The following TPD52 variants were observed in gnomAD, a reference collection of about 807,000 sequenced individuals.
TPD52 encodes tumor protein D52.
A neutral mutation model predicts 31.3 loss-of-function variants in TPD52; 17 were observed. The observed-to-expected ratio is 0.54, with a 90% confidence interval of 0.37 to 0.82. The LOEUF (loss-of-function observed/expected upper bound fraction) is 0.82. Ranked by LOEUF, TPD52 falls within the 40% of genes least tolerant of loss-of-function variation. The pLI, the probability that TPD52 is intolerant of heterozygous loss-of-function variation, is 0.00. For synonymous variants in TPD52, 83 were observed against 89.6 expected, an observed-to-expected ratio of 0.93 and a Z score of 0.42; for missense variants, 212 against 240.1, an observed-to-expected ratio of 0.88 and a Z score of 0.77.
At chr8:80,080,464 C>A in intron 1 of TPD52, 5 of 1,613,654 alleles carry the variant, frequency 3.1e-6, no homozygotes, top group Non-Finnish European at 3.4e-6. Context: ...TCCAGACAAA[C>A]GCAGAATGCA....
intron 1 of TPD52, among the ~76,000 whole-genome samples, chr8:80,144,434 C>T (rs1474303815): frequency 6.6e-6 from 1 of 152,208 alleles, no homozygotes; most frequent in Non-Finnish European, 1.5e-5. Context: ...GCACTTCCAG[C>T]TGAGGTTAAA....
chr8:80,098,148 C>T (rs1252479788), intron 1 of TPD52, among the ~76,000 whole-genome samples: 1 of 152,204 alleles, frequency 6.6e-6, no homozygotes, highest in Non-Finnish European at 1.5e-5. Context: ...ATTTACAATG[C>T]ACCTAGTCAT....
At chr8:80,163,335 G>A (rs376202454) in intron 1 of TPD52, among the ~76,000 whole-genome samples, 2 of 152,154 alleles carry the variant, frequency 1.3e-5, no homozygotes, top group Admixed American at 1.3e-4. Flanking sequence ...CATGAGCCCC[G>A]ATATCATGCT....
At chr8:80,063,972 A>G (rs1198182676) in intron 2 of TPD52, among the ~76,000 whole-genome samples, 2 of 117,396 alleles carry the variant, frequency 1.7e-5, no homozygotes, top group African/African-American at 6.5e-5. Context: ...GAAGGGGAAG[A>G]AGGAGGGGAG....
chr8:80,116,844 T>C (rs1807900398), intron 1 of TPD52, among the ~76,000 whole-genome samples: 2 of 151,976 alleles, frequency 1.3e-5, no homozygotes, highest in South Asian at 4.1e-4. Flanking sequence ...AAGTTTGTTT[T>C]AACATCCAAA....
At position 80,080,199 on chromosome 8, in the gene TPD52, A is replaced by C. The variant is rs182914978; in HGVS notation, c.20-15606T>G. Reference sequence around the variant, plus strand: ...ATCTAGAATAGCTTATTAGCTAGTTACAACCCAACACCACCCTGGTACATC... The same window carrying C: ...ATCTAGAATAGCTTATTAGCTAGTTCCAACCCAACACCACCCTGGTACATC... On this transcript the variant is annotated intron_variant, in intron 1 of 7. Coordinates refer to ENST00000518937, the MANE Select transcript of TPD52 (RefSeq NM_001025253.3). The C allele has an allele frequency of 1.3e-3, 1,088 of 846,738 alleles. 1 individual carries two copies. Among genetic ancestry groups the C allele is most frequent in the Non-Finnish European group, 1.5e-3 (803 of 539,520 alleles). The allele number at this position is 846,738 out of a possible 1,614,324, so 52.5% of individuals were successfully genotyped here. A position where few individuals can be genotyped will look rare whatever the true frequency, so the allele number is the denominator to read the frequency against.
intron 1 of TPD52, among the ~76,000 whole-genome samples, chr8:80,125,532 C>T (rs1405811243): frequency 6.6e-6 from 1 of 151,576 alleles, no homozygotes; most frequent in Non-Finnish European, 1.5e-5. Context: ...TTTAAGTTAA[C>T]ATTTTTCACA....
chr8:80,042,149 C>T, intron 7 of TPD52: 1 of 976,602 alleles, frequency 1.0e-6, no homozygotes, highest in Non-Finnish European at 1.2e-6. Flanking sequence ...AGAATACTTA[C>T]TGATACAGGA....
chr8:80,077,948 C>T (rs1814784818), intron 1 of TPD52, among the ~76,000 whole-genome samples: 1 of 152,184 alleles, frequency 6.6e-6, no homozygotes, highest in Non-Finnish European at 1.5e-5. Context: ...GAAGAAATGG[C>T]ATCAAATAGT....
intron 1 of TPD52, among the ~76,000 whole-genome samples, chr8:80,121,456 G>A (rs1048901165): frequency 2.0e-5 from 3 of 152,168 alleles, no homozygotes; most frequent in African/African-American, 4.8e-5. Flanking sequence ...CGAGCTCTCA[G>A]AGAGTTTTAG....
At position 80,036,002 on chromosome 8, in the gene TPD52, CTTCT is replaced by C. The variant is rs1438776534; in HGVS notation, c.*2110_*2113del. On this transcript the variant is annotated 3_prime_UTR_variant, in exon 8 of 8. Transcript: ENST00000518937. The stretch of plus-strand genomic sequence containing the variant: ...AAATCCATCCTCACTCTTTTTAATA[CTTCT>C]TTCAAGGGGCAGAGTACTTTACAGT... 1 of 152,090 alleles carries C rather than the reference CTTCT, an allele frequency of 6.6e-6. No homozygotes were observed. The highest frequency in any genetic ancestry group is 1.5e-5 in the Non-Finnish European group (1 of 68,012). 9.4% of individuals were successfully genotyped at this position (152,090 alleles called of 1,614,324 possible).
intron 1 of TPD52, among the ~76,000 whole-genome samples, chr8:80,068,541 T>C (rs1813415792): frequency 6.6e-6 from 1 of 152,240 alleles, no homozygotes; most frequent in South Asian, 2.1e-4. Flanking sequence ...ATTTTAGCCA[T>C]TGCCTTAGTT....
At chr8:80,076,934 T>C (rs1478880202) in intron 1 of TPD52, among the ~76,000 whole-genome samples, 2 of 152,106 alleles carry the variant, frequency 1.3e-5, no homozygotes, top group Admixed American at 6.5e-5. Flanking sequence ...CCCAAAGTGC[T>C]GGGATTACAG....
At position 80,064,671 on chromosome 8, in the gene TPD52, C is replaced by A. The variant is rs924952011; in HGVS notation, c.20-78G>T. 1.6e-5 allele frequency: 17 copies of A among 1,049,388 alleles called. No individual in the cohort carries two copies. The African/African-American group carries it at 1.9e-4, about 12-fold the overall frequency. The allele number at this position is 1,049,388 out of a possible 1,614,324, so 65.0% of individuals were successfully genotyped here. ...TATTTAAGCTCCTCCACTGTCCTAG[C>A]CAGAATAAAGCCAATTAGAGTAGAT... On this transcript the variant is annotated intron_variant, in intron 1 of 7. Transcript: ENST00000518937.
chr8:80,111,482 C>T (rs936240774), intron 1 of TPD52, among the ~76,000 whole-genome samples: 12 of 152,036 alleles, frequency 7.9e-5, no homozygotes, highest in Admixed American at 3.9e-4. Flanking sequence ...CCCCCATGTA[C>T]TGGTAACAGA....
intron 1 of TPD52, among the ~76,000 whole-genome samples, chr8:80,074,427 G>C (rs536599398): frequency 6.6e-6 from 1 of 152,188 alleles, no homozygotes; most frequent in Admixed American, 6.5e-5. Flanking sequence ...AGGAATATTT[G>C]CAAGTCCCCA....
At chr8:80,052,061 T>A (rs958740220) in intron 3 of TPD52, among the ~76,000 whole-genome samples, 1 of 152,210 alleles carries the variant, frequency 6.6e-6, no homozygotes, top group Non-Finnish European at 1.5e-5. Context: ...CAGAAGCAAT[T>A]AGTAGCTGGC....
chr8:80,142,217 T>C (rs1809878653), intron 1 of TPD52, among the ~76,000 whole-genome samples: 1 of 152,206 alleles, frequency 6.6e-6, no homozygotes, highest in Non-Finnish European at 1.5e-5. Context: ...ATACTAACCA[T>C]GAGCTCCCAA....
chr8:80,139,725 TA>T (rs1464871306), intron 1 of TPD52, among the ~76,000 whole-genome samples: 2 of 152,148 alleles, frequency 1.3e-5, no homozygotes, highest in African/African-American at 4.8e-5. Flanking sequence ...ATTATACACT[TA>T]AAAATTTGTT....
Sources: gnomAD v4.1 joint callset for allele counts (sites outside exome capture counted in the v4.1 genomes callset) on GRCh38, gnomAD v4.1.1 for gene constraint, MANE v1.5 for transcripts, NCBI Gene and HGNC (gene_info 2026-07-23, HGNC 2026-07-21) for gene names.